ZNF227: variants seen among roughly 807,000 people sequenced by gnomAD.
The protein encoded by ZNF227 is zinc finger protein 227.
Under a neutral mutation model 13.2 loss-of-function variants are expected in ZNF227, and 12 were observed. The ratio of observed to expected loss-of-function variants is 0.91; its 90% CI spans 0.58 to 1.47. The LOEUF (loss-of-function observed/expected upper bound fraction) is 1.47, where lower values mean the gene tolerates loss of function less well. Ranked by LOEUF, ZNF227 falls within the 40% of genes most tolerant of loss-of-function variation. The pLI is 0.00. For missense variants in ZNF227, 885 were observed against 967.5 expected, an observed-to-expected ratio of 0.91 and a Z score of 1.13; for synonymous variants, 338 against 326.0, an observed-to-expected ratio of 1.04 and a Z score of -0.40.
Position 44,236,101 on chromosome 19 carries a change from C to G in ZNF227, c.1671C>G (p.Phe557Leu). Reference sequence around the variant, plus strand: ...GATGTGATGTGTGTGGTAAGGACTTCAGTTATAGTTCAAATCTTAAACTAC... The same window carrying G: ...GATGTGATGTGTGTGGTAAGGACTTGAGTTATAGTTCAAATCTTAAACTAC... ...PYRCDVCGKD[F>L]SYSSNLKLHQ... The change falls in exon 6 of 6, where the codon TTC becomes TTG. Residue 557 changes from phenylalanine (F) to leucine (L), a missense_variant. Physicochemically the swap from Phe to Leu is conservative, Grantham distance 22 (BLOSUM62 0). Coordinates refer to ENST00000313040, the MANE Select transcript of ZNF227 (RefSeq NM_182490.3). 6.2e-7 allele frequency: 1 copy of G among 1,613,674 alleles called. No individual in the cohort carries two copies. The highest frequency in any genetic ancestry group is 8.5e-7 in the Non-Finnish European group (1 of 1,179,890).
upstream of ZNF227, among the ~76,000 whole-genome samples, chr19:44,211,292 T>C (rs1971356365): frequency 6.6e-6 from 1 of 152,056 alleles, no homozygotes. Context: ...ATAGTCTGAA[T>C]AGTTTGAACT....
intron 2 of ZNF227, among the ~76,000 whole-genome samples, chr19:44,216,021 TA>T (rs11325106): frequency 0.52 from 55,954 of 107,834 alleles, 13,836 homozygotes; most frequent in Admixed American, 0.59. Context: ...GATGTACCTT[TA>T]AAAAAAAAAA....
At chr19:44,218,303 C>G (rs1481060788) in intron 3 of ZNF227, among the ~76,000 whole-genome samples, 1 of 152,200 alleles carries the variant, frequency 6.6e-6, no homozygotes, top group Non-Finnish European at 1.5e-5. Context: ...AAGAATTTTA[C>G]TACTTTAAAG....
In ZNF227 at chr19:44,236,863, A is replaced by G. The variant is rs925223407; in HGVS notation, c.*33A>G. 1 of 1,523,522 alleles carries G rather than the reference A, an allele frequency of 6.6e-7. No homozygotes were observed. The highest frequency in any genetic ancestry group is 8.8e-7 in the Non-Finnish European group (1 of 1,136,168). 94.4% of individuals were successfully genotyped at this position (1,523,522 alleles called of 1,614,324 possible). On this transcript the variant is annotated 3_prime_UTR_variant, in exon 6 of 6. Transcript: ENST00000313040. ...AAATGTGTTACCAACTTTTGTCTGAATGCACATCTTCAAGTTTTTGGCTAG... is the reference window on the plus strand; with the variant it reads ...AAATGTGTTACCAACTTTTGTCTGAGTGCACATCTTCAAGTTTTTGGCTAG...
At chr19:44,219,381 C>A (rs916114260) in intron 3 of ZNF227, among the ~76,000 whole-genome samples, 3 of 152,192 alleles carry the variant, frequency 2.0e-5, no homozygotes, top group East Asian at 3.9e-4. Flanking sequence ...AGCAGCAAAC[C>A]GGTGGCATAT....
In ZNF227 at chr19:44,234,795, A is replaced by G. The variant is rs934046878; in HGVS notation, c.365A>G (p.Gln122Arg). The G allele has an allele frequency of 6.2e-6, 10 of 1,613,842 alleles. No individual in the cohort carries two copies. The change falls in exon 6 of 6, where the codon CAG becomes CGG. Residue 122 changes from glutamine to arginine, a missense_variant. Coordinates refer to ENST00000313040, the MANE Select transcript of ZNF227 (RefSeq NM_182490.3). ...CTGTCCTGCTGGCAAATCTGGAAAC[A>G]GGTTGCAAGTGAATTAACCAGGTGT... is the stretch of plus-strand genomic sequence containing the variant. ...QELSCWQIWKQVASELTRCLQ... is the reference protein window; with the variant it reads ...QELSCWQIWKRVASELTRCLQ...
At chr19:44,217,023 C>T (rs928873708) in intron 2 of ZNF227, among the ~76,000 whole-genome samples, 1 of 138,624 alleles carries the variant, frequency 7.2e-6, no homozygotes, top group Non-Finnish European at 1.5e-5. Context: ...AGTTCATTGG[C>T]GTGATCTTGG....
At chr19:44,208,523 A>C (rs891724174), upstream of ZNF227, among the ~76,000 whole-genome samples, 2 of 152,210 alleles carry the variant, frequency 1.3e-5, no homozygotes, top group Non-Finnish European at 2.9e-5. Context: ...CTAGAGGCTT[A>C]CATAGCCGCT....
At chr19:44,232,202 A>C (rs1973906968) in intron 5 of ZNF227, among the ~76,000 whole-genome samples, 1 of 152,214 alleles carries the variant, frequency 6.6e-6, no homozygotes, top group South Asian at 2.1e-4. Context: ...TTGCATCCAC[A>C]TGTATTAATC....
chr19:44,211,319 TTG>T (rs1438196841), upstream of ZNF227, among the ~76,000 whole-genome samples: 3 of 152,106 alleles, frequency 2.0e-5, no homozygotes, highest in Non-Finnish European at 4.4e-5. Flanking sequence ...TGGCACATAC[TTG>T]GTTCTTTATA....
rs1468465797 is a variant in ZNF227 at position 44,217,781 on chromosome 19, T to C, written c.-2-10T>C. The C allele has an allele frequency of 6.2e-7, 1 of 1,614,026 alleles. No homozygotes were observed. The highest frequency in any genetic ancestry group is 1.3e-5 in the African/African-American group (1 of 74,918). On this transcript the variant is annotated splice_polypyrimidine_tract_variant and intron_variant, in intron 2 of 5. Coordinates refer to ENST00000313040, the MANE Select transcript of ZNF227 (RefSeq NM_182490.3). Reference sequence around the variant, plus strand: ...GGCTTGTGTCTCATGGCGTCTTTGGTCTCCCCCAGTTATGCCATCTCAGAA... The same window carrying C: ...GGCTTGTGTCTCATGGCGTCTTTGGCCTCCCCCAGTTATGCCATCTCAGAA...
upstream of ZNF227, among the ~76,000 whole-genome samples, chr19:44,208,225 C>A (rs1415558475): frequency 6.6e-6 from 1 of 152,206 alleles, no homozygotes; most frequent in African/African-American, 2.4e-5. Flanking sequence ...CATCAGTTCT[C>A]AAGATTAATG....
chr19:44,220,353 A>T (rs1972360699), intron 3 of ZNF227, among the ~76,000 whole-genome samples: 1 of 152,186 alleles, frequency 6.6e-6, no homozygotes, highest in South Asian at 2.1e-4. Context: ...AGGAATTGCC[A>T]CACTGACTTC....
chr19:44,228,389 C>A, intron 3 of ZNF227, 57 bp from the exon 4 acceptor site: 1 of 1,562,886 alleles, frequency 6.4e-7, no homozygotes, highest in Non-Finnish European at 8.6e-7. Flanking sequence ...TTGATGCCAC[C>A]CTTCTTCTAG....
At chr19:44,209,731 C>A (rs1046143399), upstream of ZNF227, among the ~76,000 whole-genome samples, 5 of 152,148 alleles carry the variant, frequency 3.3e-5, no homozygotes, top group South Asian at 1.0e-3. Flanking sequence ...GGACTACAGG[C>A]GCCCATCACC....
At chr19:44,209,141 C>T (rs1971281430), upstream of ZNF227, among the ~76,000 whole-genome samples, 1 of 152,168 alleles carries the variant, frequency 6.6e-6, no homozygotes, top group Admixed American at 6.5e-5. Context: ...TGCATTGGTG[C>T]CATACCACCC....
At chr19:44,221,393 T>C (rs993401991) in intron 3 of ZNF227, among the ~76,000 whole-genome samples, 15 of 152,182 alleles carry the variant, frequency 9.9e-5, no homozygotes, top group African/African-American at 3.4e-4. Flanking sequence ...GTAAAAGTGT[T>C]CCTGTTTCTC....
rs147064092 is a variant in ZNF227, at chr19:44,221,067, T to C, written c.60+3215T>C. 8.6e-3 allele frequency among the ~76,000 whole-genome samples: 1,309 copies of C among 151,932 alleles called. 21 individuals are homozygous for C. The highest frequency in any genetic ancestry group is 8.1e-3 in the Non-Finnish European group (548 of 67,992). ...AATCCAGTCTATCATTGTTGGACAT[T>C]TGGGTTGGTTCCAAGTCTTTGCTAT... On this transcript the variant is annotated intron_variant, in intron 3 of 5. Transcript: ENST00000313040.
At position 44,236,408 on chromosome 19, in the gene ZNF227, T is replaced by C; in HGVS notation, c.1978T>C (p.Tyr660His). ...HQRVHTGEKP[Y>H]KCDVCGKGFR... ...GAGAGTCCACACGGGGGAAAAGCCA[T>C]ACAAATGTGATGTGTGTGGAAAGGG... is the stretch of plus-strand genomic sequence containing the variant. The change falls in exon 6 of 6, where the codon TAC (tyrosine) becomes CAC (histidine). Residue 660 changes from tyrosine to histidine, a missense_variant. Tyr to His is a moderately conservative substitution (Grantham distance 83). Coordinates refer to ENST00000313040, the MANE Select transcript of ZNF227 (RefSeq NM_182490.3). The C allele has an allele frequency of 6.2e-7, 1 of 1,613,944 alleles. No homozygotes were observed. The highest frequency in any genetic ancestry group is 8.5e-7 in the Non-Finnish European group (1 of 1,179,998).
Sources: allele counts gnomAD v4.1 joint callset (sites outside exome capture counted in the v4.1 genomes callset), GRCh38; gene constraint gnomAD v4.1.1; transcripts MANE v1.5; gene names NCBI Gene and HGNC (gene_info 2026-07-23, HGNC 2026-07-21).